MYBL1: variants seen among roughly 807,000 people sequenced by gnomAD.
MYBL1 encodes the protein myb-related protein A.
In MYBL1, 17 loss-of-function variants were observed where a neutral mutation model predicts 96.3. The observed-to-expected ratio is 0.18, with a 90% CI of 0.12 to 0.26. The LOEUF is 0.26. Ranked by LOEUF, MYBL1 falls within the 10% of genes least tolerant of loss-of-function variation. MYBL1 has a pLI of 1.00. For missense variants in MYBL1, 701 were observed against 882.9 expected (o/e 0.79, Z 2.61); for synonymous variants, 282 against 292.7 (o/e 0.96, Z 0.37).
chr8:66,574,432 C>T (rs1808855558), intron 10 of MYBL1, among the ~76,000 whole-genome samples: 1 of 152,182 alleles, frequency 6.6e-6, no homozygotes, highest in African/African-American at 2.4e-5. Context: ...GAGAGCAGGG[C>T]TGGGAGTGAA....
chr8:66,607,433 C>T (rs918657984), intron 1 of MYBL1, among the ~76,000 whole-genome samples: 1 of 152,146 alleles, frequency 6.6e-6, no homozygotes, highest in African/African-American at 2.4e-5. Flanking sequence ...ATGTCTACCA[C>T]GTTCACCTCT....
At chr8:66,607,699 CAAAA>C (rs542129633) in intron 1 of MYBL1, among the ~76,000 whole-genome samples, 21 of 117,862 alleles carry the variant, frequency 1.8e-4, no homozygotes, top group Admixed American at 4.3e-4. Flanking sequence ...TTTCAAAACC[CAAAA>C]AAAAAAAAAA....
chr8:66,596,054 GGGAA>G (rs2129964700), intron 5 of MYBL1, among the ~76,000 whole-genome samples: 1 of 152,048 alleles, frequency 6.6e-6, no homozygotes, highest in East Asian at 1.9e-4. Context: ...GTGTGGGAGT[GGGAA>G]GGAAGGAAGA....
chr8:66,572,558 G>A lies in MYBL1; in HGVS notation c.1652C>T (p.Thr551Ile). 6.2e-7 allele frequency: 1 copy of A among 1,602,124 alleles called. No individual in the cohort carries two copies. The highest frequency in any genetic ancestry group is 1.7e-5 in the Admixed American group (1 of 59,706). The change falls in exon 12 of 16, where the codon ACC (threonine) becomes ATC (isoleucine). Residue 551 changes from threonine to isoleucine, a missense_variant. Coordinates refer to ENST00000522677, the MANE Select transcript of MYBL1 (RefSeq NM_001080416.4). ...AAAAGGAGTAGGAGTTCTTGGTGTGGTACCCAGTATAGATCTTCTAATAGT... is the reference window on the plus strand; with the variant it reads ...AAAAGGAGTAGGAGTTCTTGGTGTGATACCCAGTATAGATCTTCTAATAGT... ...TPTIRRSILG[T>I]TPRTPTPFKN...
intron 9 of MYBL1, 79 bp downstream of exon 9, chr8:66,580,054 A>G: frequency 2.8e-6 from 3 of 1,062,052 alleles, no homozygotes; most frequent in South Asian, 3.1e-5. Context: ...AAACTGGTCA[A>G]TGTCCAAAAC....
intron 1 of MYBL1, among the ~76,000 whole-genome samples, chr8:66,605,752 G>A (rs1446719093): frequency 6.6e-6 from 1 of 152,158 alleles, no homozygotes; most frequent in Admixed American, 6.5e-5. Context: ...GGAGGTAGAG[G>A]TTACAGTGAG....
chr8:66,567,010 ATGT>A lies in MYBL1; in HGVS notation c.1729-21_1729-19del. On this transcript the variant is annotated intron_variant, in intron 12 of 15. Coordinates refer to ENST00000522677, the MANE Select transcript of MYBL1 (RefSeq NM_001080416.4). The stretch of plus-strand genomic sequence containing the variant: ...GGCTGGGACTAAATTGTTTTTTAAA[ATGT>A]TGTAAAAAGTCATTTATAGCAATTC... The A allele has an allele frequency of 3.8e-6, 6 of 1,570,362 alleles. No individual in the cohort carries two copies. The highest frequency in any genetic ancestry group is 5.2e-6 in the Non-Finnish European group (6 of 1,146,626).
rs1010415758 is a variant in MYBL1, at chr8:66,563,022, G to C, written c.*1675C>G. 6.6e-6 allele frequency: 1 copy of C among 152,030 alleles called. No homozygotes were observed. Among genetic ancestry groups the C allele is most frequent in the Non-Finnish European group, 1.5e-5 (1 of 67,888 alleles). The allele number at this position is 152,030 out of a possible 1,614,324, so 9.4% of individuals were successfully genotyped here. A position where few individuals can be genotyped will look rare whatever the true frequency, so the allele number is the denominator to read the frequency against. The stretch of plus-strand genomic sequence containing the variant: ...CAAGAGCTAAGCATTAAAATACTTA[G>C]TATTTCCATTTCTATTAACATACAA... On this transcript the variant is annotated 3_prime_UTR_variant, in exon 16 of 16. Coordinates refer to ENST00000522677, the MANE Select transcript of MYBL1 (RefSeq NM_001080416.4).
intron 9 of MYBL1, 131 bp from the exon 10 acceptor site, chr8:66,576,506 T>C (rs1170800347): frequency 3.9e-6 from 4 of 1,013,210 alleles, no homozygotes; most frequent in East Asian, 5.0e-5. Flanking sequence ...TCCTTGGACA[T>C]TTTTTTTAAG....
At chr8:66,575,898 A>G in intron 10 of MYBL1, 109 bp downstream of exon 10, 1 of 1,152,384 alleles carries the variant, frequency 8.7e-7, no homozygotes, top group Non-Finnish European at 1.2e-6. Flanking sequence ...ATTTAAACAC[A>G]TTATTTTTAT....
intron 3 of MYBL1, among the ~76,000 whole-genome samples, chr8:66,600,062 T>C (rs1426055204): frequency 2.0e-5 from 3 of 152,216 alleles, no homozygotes; most frequent in African/African-American, 4.8e-5. Flanking sequence ...TGGTTAAGTG[T>C]TGACACTTAA....
rs535017667 is a variant in MYBL1 at position 66,577,129 on chromosome 8, T to C, written c.1102-754A>G. On this transcript the variant is annotated intron_variant, in intron 9 of 15. Transcript: ENST00000522677. ...AACCCACAGCCAATATCATACTGAA[T>C]GGGCGAAAACTGGAAGCATTCCCTT... Among the ~76,000 whole-genome samples the C allele has an allele frequency of 6.6e-5, 10 of 151,896 alleles. No individual in the cohort carries two copies. In the East Asian group the frequency reaches 1.7e-3, roughly 26 times the overall value.
chr8:66,590,316 C>A (rs1172716402), intron 8 of MYBL1, among the ~76,000 whole-genome samples: 4 of 151,990 alleles, frequency 2.6e-5, no homozygotes, highest in Non-Finnish European at 1.5e-5. Context: ...ACAAACAAAC[C>A]CTTTTCTAAA....
At chr8:66,570,177 T>C (rs1808671927) in intron 12 of MYBL1, among the ~76,000 whole-genome samples, 1 of 152,224 alleles carries the variant, frequency 6.6e-6, no homozygotes, top group Non-Finnish European at 1.5e-5. Flanking sequence ...ATAATCTATT[T>C]TGGCAATGGT....
intron 12 of MYBL1, among the ~76,000 whole-genome samples, chr8:66,567,520 A>T (rs1253490922): frequency 6.8e-6 from 1 of 147,470 alleles, no homozygotes; most frequent in Non-Finnish European, 1.5e-5. Context: ...GAAGACAGAG[A>T]GAGTGAGTGT....
intron 1 of MYBL1, among the ~76,000 whole-genome samples, chr8:66,610,526 C>T (rs548489258): frequency 2.6e-5 from 4 of 151,970 alleles, no homozygotes; most frequent in Non-Finnish European, 5.9e-5. Context: ...TGGTTGTATA[C>T]TGGAGATCTC....
chr8:66,579,266 A>ATTTT (rs1329954321), intron 9 of MYBL1, among the ~76,000 whole-genome samples: 136 of 151,094 alleles, frequency 9.0e-4, no homozygotes, highest in African/African-American at 3.2e-3. Flanking sequence ...TTTTTTTAAA[A>ATTTT]AAATGAAAAA....
intron 8 of MYBL1, among the ~76,000 whole-genome samples, chr8:66,582,780 A>G: frequency 6.6e-6 from 1 of 151,910 alleles, no homozygotes; most frequent in South Asian, 2.1e-4. Flanking sequence ...TGATAAAGGG[A>G]TCAATTCAGC....
At position 66,564,688 on chromosome 8, in the gene MYBL1, T is replaced by C; in HGVS notation, c.*9A>G. The C allele has an allele frequency of 6.4e-7, 1 of 1,559,976 alleles. No homozygotes were observed. Among genetic ancestry groups the C allele is most frequent in the Non-Finnish European group, 8.7e-7 (1 of 1,148,998 alleles). ...AGGGAGTGGGGCATTTCATCAATTTTAATAACAATTACAGTATGAGAGCTC... is the reference window on the plus strand; with the variant it reads ...AGGGAGTGGGGCATTTCATCAATTTCAATAACAATTACAGTATGAGAGCTC... On this transcript the variant is annotated 3_prime_UTR_variant, in exon 16 of 16. Coordinates refer to ENST00000522677, the MANE Select transcript of MYBL1 (RefSeq NM_001080416.4).
Sources: allele counts gnomAD v4.1 joint callset (sites outside exome capture counted in the v4.1 genomes callset), GRCh38; gene constraint gnomAD v4.1.1; transcripts MANE v1.5; gene names NCBI Gene and HGNC (gene_info 2026-07-23, HGNC 2026-07-21).